IL2RB: variants seen among roughly 807,000 people sequenced by gnomAD.
IL2RB encodes interleukin 2 receptor subunit beta.
Under a neutral mutation model 44.2 loss-of-function variants are expected in IL2RB, and 17 were observed. The ratio of observed to expected loss-of-function variants is 0.38; its 90% CI spans 0.26 to 0.58. The LOEUF (loss-of-function observed/expected upper bound fraction) is 0.58, where lower values mean the gene tolerates loss of function less well. IL2RB is among the 20% of genes least tolerant of loss of function. The probability of loss-of-function intolerance (pLI) is 0.63; values close to 1 mark genes in which losing one functional copy is unlikely to be tolerated. For missense variants in IL2RB, 624 were observed against 685.5 expected (o/e 0.91, Z 1.00); for synonymous variants, 286 against 297.9 (o/e 0.96, Z 0.41).
Position 37,172,215 on chromosome 22 carries a change from T to TAAA in IL2RB, c.-34+2740_-34+2742dup, listed in dbSNP as rs63579164. Among the ~76,000 whole-genome samples the TAAA allele has an allele frequency of 6.6e-3, 686 of 104,466 alleles. 13 individuals are homozygous for TAAA. The highest frequency in any genetic ancestry group is 0.018 in the African/African-American group (549 of 30,760). The allele number at this position is 104,466 out of a possible 152,430, so 68.5% of individuals were successfully genotyped here. A position where few individuals can be genotyped will look rare whatever the true frequency, so the allele number is the denominator to read the frequency against. The stretch of plus-strand genomic sequence containing the variant: ...ACTCAACTATTAACTAAAGGTAAAG[T>TAAA]AAAAAAAAAAAAAAAAAAAGTGATG... On this transcript the variant is annotated intron_variant, in intron 1 of 5. Coordinates refer to the IL2RB transcript ENST00000429622.
chr22:37,174,385 G>A (rs986641344), intron 1 of IL2RB, among the ~76,000 whole-genome samples: 1 of 152,138 alleles, frequency 6.6e-6, no homozygotes, highest in Non-Finnish European at 1.5e-5. Context: ...CAGGAATTGG[G>A]CCAGCTGAAA....
chr22:37,160,122 C>A (rs1221941985), intron 1 of IL2RB, among the ~76,000 whole-genome samples: 2 of 152,242 alleles, frequency 1.3e-5, no homozygotes, highest in Non-Finnish European at 2.9e-5. Flanking sequence ...TCTTCACATC[C>A]ATGGCCAGAG....
intron 1 of IL2RB, among the ~76,000 whole-genome samples, chr22:37,172,882 C>A (rs934418124): frequency 6.6e-6 from 1 of 152,138 alleles, no homozygotes; most frequent in Non-Finnish European, 1.5e-5. Context: ...CTGTAAGGAG[C>A]CCTGCCCTGT....
chr22:37,170,893 G>A (rs1020871608), intron 1 of IL2RB, among the ~76,000 whole-genome samples: 3 of 152,196 alleles, frequency 2.0e-5, no homozygotes, highest in African/African-American at 4.8e-5. Flanking sequence ...AGCTGGGCAC[G>A]TGGTGGGATG....
intron 8 of IL2RB, 58 bp downstream of exon 8, chr22:37,135,270 A>ATGTG: frequency 1.8e-6 from 2 of 1,100,058 alleles, no homozygotes; most frequent in South Asian, 2.5e-5. Flanking sequence ...ATGTGTGTGC[A>ATGTG]TGTGTGTGCA....
At chr22:37,149,436 G>C (rs1337198053) in intron 1 of IL2RB, among the ~76,000 whole-genome samples, 1 of 152,170 alleles carries the variant, frequency 6.6e-6, no homozygotes, top group Non-Finnish European at 1.5e-5. Context: ...CAGAGGTCAG[G>C]AGGGGGCTCC....
intron 8 of IL2RB, among the ~76,000 whole-genome samples, chr22:37,134,704 C>G (rs552845485): frequency 6.6e-6 from 1 of 152,188 alleles, no homozygotes; most frequent in African/African-American, 2.4e-5. Context: ...GAACTGGTTT[C>G]CATGGATCCT....
At chr22:37,132,524 T>TA (rs1921486541) in intron 8 of IL2RB, 56 bp from the exon 9 acceptor site, 1 of 1,348,064 alleles carries the variant, frequency 7.4e-7, no homozygotes, top group Non-Finnish European at 1.1e-6. Context: ...ACCGCGGTGT[T>TA]ATGCCATCGG....
rs117523654 is a variant in IL2RB, at chr22:37,174,291, A to C, written c.-34+667T>G. 5.0e-3 allele frequency among the ~76,000 whole-genome samples: 767 copies of C among 152,298 alleles called. 6 individuals carry two copies. Among genetic ancestry groups the C allele is most frequent in the South Asian group, 0.021 (99 of 4,822 alleles). ...GGCCAAGGGAGCTGAAAGCCTTGCC[A>C]CTGAATGCTGAAACAACCTTCACTG... is the stretch of plus-strand genomic sequence containing the variant. On this transcript the variant is annotated intron_variant, in intron 1 of 5. Transcript: ENST00000429622.
chr22:37,164,089 G>A (rs933558316), intron 1 of IL2RB, among the ~76,000 whole-genome samples: 5 of 152,242 alleles, frequency 3.3e-5, no homozygotes, highest in Non-Finnish European at 5.9e-5. Context: ...ACACGTGAGG[G>A]TGCGTGAGGA....
chr22:37,142,462 G>A lies in IL2RB; in HGVS notation c.254C>T (p.Ala85Val). The A allele has an allele frequency of 6.2e-7, 1 of 1,614,150 alleles. No homozygotes were observed. The highest frequency in any genetic ancestry group is 8.5e-7 in the Non-Finnish European group (1 of 1,179,970). ...TGGGGCTCCGAGGATCAGGTTGCAG[G>A]CCCAGGATGCTTGACTCACGGGGAG... is the stretch of plus-strand genomic sequence containing the variant. ...ELLPVSQASW[A>V]CNLILGAPDS... The change falls in exon 4 of 10, where the codon GCC becomes GTC. Residue 85 changes from alanine to valine, a missense_variant. Around this residue, in one of 3 missense-constraint regions of IL2RB, gnomAD observed 255 missense variants for 339.9 expected, o/e 0.75. Coordinates refer to ENST00000216223, the MANE Select transcript of IL2RB (RefSeq NM_000878.5).
At chr22:37,171,108 C>G (rs1923268681) in intron 1 of IL2RB, among the ~76,000 whole-genome samples, 1 of 152,142 alleles carries the variant, frequency 6.6e-6, no homozygotes, top group Non-Finnish European at 1.5e-5. Flanking sequence ...CTCAGCCTCC[C>G]AAGTAGCTGG....
intron 1 of IL2RB, among the ~76,000 whole-genome samples, chr22:37,146,107 C>A (rs1422611839): frequency 6.6e-6 from 1 of 152,282 alleles, no homozygotes; most frequent in Non-Finnish European, 1.5e-5. Context: ...TCCAGGTGAC[C>A]TTTGCCCCCA....
intron 3 of IL2RB, chr22:37,142,871 C>T: frequency 2.6e-6 from 1 of 383,630 alleles, no homozygotes; most frequent in South Asian, 2.2e-5. Flanking sequence ...GTGGAATCAC[C>T]ACCCACCCAG....
Position 37,136,465 on chromosome 22 carries a change from A to ACCCC in IL2RB, c.538-73_538-72insGGGG, listed in dbSNP as rs1601598362. 3.0e-6 allele frequency: 4 copies of ACCCC among 1,355,872 alleles called. No individual in the cohort carries two copies. The African/African-American group carries it at 5.0e-5, about 17-fold the overall frequency. The allele number at this position is 1,355,872 out of a possible 1,614,324, so 84.0% of individuals were successfully genotyped here. Reference sequence around the variant, plus strand: ...AGGGCCAGGAGGCTGAGCATCACAGAACCCCCCCCCAACCCCTGCCAGCTG... The same window carrying ACCCC: ...AGGGCCAGGAGGCTGAGCATCACAGACCCCACCCCCCCCCAACCCCTGCCAGCTG... On this transcript the variant is annotated intron_variant, in intron 6 of 9. Coordinates refer to ENST00000216223, the MANE Select transcript of IL2RB (RefSeq NM_000878.5).
chr22:37,165,632 C>T (rs1456539760), intron 1 of IL2RB, among the ~76,000 whole-genome samples: 1 of 152,198 alleles, frequency 6.6e-6, no homozygotes, highest in Non-Finnish European at 1.5e-5. Flanking sequence ...TGCTCCTGGG[C>T]AGCTGCCTCT....
At chr22:37,161,880 C>G (rs1290274618) in intron 1 of IL2RB, 1 of 152,250 alleles carries the variant, frequency 6.6e-6, no homozygotes, top group Non-Finnish European at 1.5e-5. Flanking sequence ...ACTCCAAGAC[C>G]TGGAGGCTGG....
In IL2RB at chr22:37,127,768, A is replaced by C. The variant is rs1432700316; in HGVS notation, c.*328T>G. On this transcript the variant is annotated 3_prime_UTR_variant, in exon 10 of 10. Coordinates refer to ENST00000216223, the MANE Select transcript of IL2RB (RefSeq NM_000878.5). ...GCCCTGGAGAGCCGCGAGGACTGAT[A>C]TTGGTGAATAGCTGCAGGGCTGGAG... The C allele has an allele frequency of 1.4e-5, 3 of 206,962 alleles. No homozygotes were observed. Among genetic ancestry groups the C allele is most frequent in the East Asian group, 1.0e-4 (1 of 9,724 alleles). 12.8% of individuals were successfully genotyped at this position (206,962 alleles called of 1,614,324 possible).
intron 1 of IL2RB, among the ~76,000 whole-genome samples, chr22:37,160,799 C>T (rs750296572): frequency 6.6e-6 from 1 of 151,306 alleles, no homozygotes; most frequent in Non-Finnish European, 1.5e-5. Flanking sequence ...GCAGTGAGAT[C>T]GTGGTGACAG....
Sources: allele counts gnomAD v4.1 joint callset (sites outside exome capture counted in the v4.1 genomes callset), GRCh38; gene constraint gnomAD v4.1.1; regional missense constraint gnomAD v4.1.1; transcripts MANE v1.5; gene names NCBI Gene and HGNC (gene_info 2026-07-23, HGNC 2026-07-21).